Variants in FSIP1 observed in about 807,000 individuals in gnomAD.
FSIP1 encodes fibrous sheath interacting protein 1.
Under a neutral mutation model 60.9 loss-of-function variants are expected in FSIP1, and 65 were observed. The ratio of observed to expected loss-of-function variants is 1.07; its 90% CI spans 0.87 to 1.31. The LOEUF is 1.31. Among genes scored for constraint, FSIP1 ranks in the 40% most tolerant of loss-of-function variants. The probability of loss-of-function intolerance (pLI) is 0.00; values close to 1 mark genes in which losing one functional copy is unlikely to be tolerated. For missense variants in FSIP1, 675 were observed against 665.5 expected, an observed-to-expected ratio of 1.01 and a Z score of -0.16; for synonymous variants, 209 against 221.2, an observed-to-expected ratio of 0.94 and a Z score of 0.49.
intron 11 of FSIP1, among the ~76,000 whole-genome samples, chr15:39,616,973 G>A (rs1026036070): frequency 2.6e-5 from 4 of 152,172 alleles, no homozygotes; most frequent in African/African-American, 9.7e-5. Flanking sequence ...GTAATTCAGT[G>A]ATGACTCAGA....
At chr15:39,706,634 A>T (rs1055816138) in intron 10 of FSIP1, among the ~76,000 whole-genome samples, 7 of 152,232 alleles carry the variant, frequency 4.6e-5, no homozygotes, top group African/African-American at 1.7e-4. Flanking sequence ...TCTGAGATAT[A>T]AACAAAAGCA....
At chr15:39,731,291 G>A (rs1045138960) in intron 8 of FSIP1, among the ~76,000 whole-genome samples, 2 of 151,540 alleles carry the variant, frequency 1.3e-5, no homozygotes, top group Non-Finnish European at 2.9e-5. Flanking sequence ...AATAAACATG[G>A]ACAGCTTAAA....
intron 10 of FSIP1, among the ~76,000 whole-genome samples, chr15:39,670,316 T>C (rs1312034153): frequency 6.6e-6 from 1 of 152,216 alleles, no homozygotes; most frequent in Non-Finnish European, 1.5e-5. Flanking sequence ...ATAGTGGTTA[T>C]CTTGCTTGGT....
chr15:39,633,175 C>T (rs1723971516), intron 10 of FSIP1, among the ~76,000 whole-genome samples: 1 of 149,206 alleles, frequency 6.7e-6, no homozygotes, highest in South Asian at 2.1e-4. Context: ...ACTACAACCT[C>T]CCCCTCCCGG....
intron 10 of FSIP1, among the ~76,000 whole-genome samples, chr15:39,668,669 T>C (rs755981023): frequency 6.6e-6 from 1 of 152,202 alleles, no homozygotes; most frequent in Non-Finnish European, 1.5e-5. Flanking sequence ...GTGTCACTTG[T>C]CTGGTCACAG....
chr15:39,738,098 C>G lies in FSIP1; in HGVS notation c.884G>C (p.Ser295Thr). Reference sequence around the variant, plus strand: ...CTATCAGAGTTTACGTACCTCAGAACTGGAGAGCCCGGAATCTTTCTCATC... The same window carrying G: ...CTATCAGAGTTTACGTACCTCAGAAGTGGAGAGCCCGGAATCTTTCTCATC... Reference protein sequence around the residue: ...DLDEKDSGLSSSEGDQSGWVV... With the variant: ...DLDEKDSGLSTSEGDQSGWVV... The change falls in exon 8 of 12, where the codon AGT becomes ACT. Residue 295 changes from serine (S) to threonine (T), a missense_variant. By Grantham distance (58) the Ser-to-Thr change is moderately conservative. Coordinates refer to ENST00000350221, the MANE Select transcript of FSIP1 (RefSeq NM_152597.5). The G allele has an allele frequency of 6.2e-7, 1 of 1,604,042 alleles. No homozygotes were observed. Among genetic ancestry groups the G allele is most frequent in the Non-Finnish European group, 8.5e-7 (1 of 1,172,534 alleles).
At chr15:39,628,979 AC>A (rs1231318561) in intron 10 of FSIP1, among the ~76,000 whole-genome samples, 1 of 152,222 alleles carries the variant, frequency 6.6e-6, no homozygotes, top group Non-Finnish European at 1.5e-5. Flanking sequence ...CAATGCTGGA[AC>A]ATCAATAGCA....
intron 10 of FSIP1, among the ~76,000 whole-genome samples, chr15:39,644,106 A>G (rs1347003416): frequency 3.3e-5 from 5 of 152,178 alleles, no homozygotes; most frequent in African/African-American, 1.2e-4. Flanking sequence ...TTACACTTTG[A>G]GATTTCTCAT....
At chr15:39,634,222 A>G (rs1242286056) in intron 10 of FSIP1, among the ~76,000 whole-genome samples, 2 of 152,174 alleles carry the variant, frequency 1.3e-5, no homozygotes, top group Non-Finnish European at 2.9e-5. Context: ...TCCAATATTA[A>G]GGAAAAGCCC....
At chr15:39,731,185 T>C (rs1896390156) in intron 8 of FSIP1, among the ~76,000 whole-genome samples, 1 of 152,204 alleles carries the variant, frequency 6.6e-6, no homozygotes, top group Non-Finnish European at 1.5e-5. Flanking sequence ...ATAAAGAAAT[T>C]GATCCTCAGT....
At chr15:39,616,194 C>T (rs1433022617) in intron 11 of FSIP1, among the ~76,000 whole-genome samples, 15 of 152,152 alleles carry the variant, frequency 9.9e-5, no homozygotes, top group Non-Finnish European at 1.6e-4. Flanking sequence ...ACATTACCTA[C>T]TTTCATTGGT....
At chr15:39,643,725 A>G (rs1892471209) in intron 10 of FSIP1, among the ~76,000 whole-genome samples, 1 of 152,212 alleles carries the variant, frequency 6.6e-6, no homozygotes, top group Non-Finnish European at 1.5e-5. Context: ...AATAAGTGGG[A>G]ACATCAAGTC....
Position 39,741,937 on chromosome 15 carries a change from A to G in FSIP1, c.560-37T>C, listed in dbSNP as rs756298359. On this transcript the variant is annotated intron_variant, in intron 5 of 11. Coordinates refer to ENST00000350221, the MANE Select transcript of FSIP1 (RefSeq NM_152597.5). ...AAAAATCACTTGTTCAATGCTCACAAAATAAATTAAGTAGTTGTCTACAAA... is the reference window on the plus strand; with the variant it reads ...AAAAATCACTTGTTCAATGCTCACAGAATAAATTAAGTAGTTGTCTACAAA... The G allele has an allele frequency of 1.1e-5, 12 of 1,102,844 alleles. No individual in the cohort carries two copies. The South Asian group carries it at 1.5e-4, about 14-fold the overall frequency. The allele number at this position is 1,102,844 out of a possible 1,614,324, so 68.3% of individuals were successfully genotyped here.
At chr15:39,777,839 C>A (rs1898114792) in intron 1 of FSIP1, among the ~76,000 whole-genome samples, 1 of 152,308 alleles carries the variant, frequency 6.6e-6, no homozygotes, top group East Asian at 1.9e-4. Context: ...CCAACAATGT[C>A]CTTTTCTTAC....
intron 9 of FSIP1, among the ~76,000 whole-genome samples, chr15:39,714,489 A>T (rs1895657829): frequency 6.7e-6 from 1 of 150,368 alleles, no homozygotes. Context: ...GGTCACCAGG[A>T]ATACTATCTA....
Position 39,724,474 on chromosome 15 carries a change from G to A in FSIP1, c.1050+2115C>T, listed in dbSNP as rs374410012. The stretch of plus-strand genomic sequence containing the variant: ...GCACCGTGTTAGCCAAGATGGTCTC[G>A]ATCTCCTGACCTCGTGATCTACACG... On this transcript the variant is annotated intron_variant, in intron 9 of 11. Coordinates refer to ENST00000350221, the MANE Select transcript of FSIP1 (RefSeq NM_152597.5). Among the ~76,000 whole-genome samples, 14 of 131,784 alleles carry A rather than the reference G, an allele frequency of 1.1e-4. No homozygotes were observed. The East Asian group carries it at 2.1e-3, about 19-fold the overall frequency. 86.5% of individuals were successfully genotyped at this position (131,784 alleles called of 152,430 possible).
intron 11 of FSIP1, among the ~76,000 whole-genome samples, chr15:39,601,848 TCA>T (rs973005075): frequency 3.9e-5 from 6 of 152,170 alleles, no homozygotes; most frequent in Admixed American, 2.6e-4. Context: ...CTAGGCAAAT[TCA>T]CAGAGACAGA....
chr15:39,644,694 A>G (rs971046474), intron 10 of FSIP1, among the ~76,000 whole-genome samples: 1 of 152,042 alleles, frequency 6.6e-6, no homozygotes, highest in East Asian at 1.9e-4. Context: ...ACTTTTCAGC[A>G]CTATGATTTA....
chr15:39,672,310 T>C (rs1161087344), intron 10 of FSIP1, among the ~76,000 whole-genome samples: 1 of 152,304 alleles, frequency 6.6e-6, no homozygotes, highest in Admixed American at 6.5e-5. Context: ...GAAGAGGCGA[T>C]TGCTGTGATT....
Sources: allele counts gnomAD v4.1 joint callset (sites outside exome capture counted in the v4.1 genomes callset), GRCh38; gene constraint gnomAD v4.1.1; transcripts MANE v1.5; gene names NCBI Gene and HGNC (gene_info 2026-07-23, HGNC 2026-07-21).